Variants in KCNH8 observed in about 807,000 individuals in gnomAD.
KCNH8 encodes voltage-gated delayed rectifier potassium channel KCNH8.
A neutral mutation model predicts 103.6 loss-of-function variants in KCNH8; 70 were observed. That is an observed-to-expected ratio of 0.68 (90% CI 0.56 to 0.82). KCNH8 has a LOEUF of 0.82. Ranked by LOEUF, KCNH8 falls within the 40% of genes least tolerant of loss-of-function variation. The pLI, the probability that KCNH8 is intolerant of heterozygous loss-of-function variation, is 0.00. For missense variants in KCNH8, 1,217 were observed against 1,329.9 expected (o/e 0.92, Z 1.32); for synonymous variants, 498 against 489.4 (o/e 1.02, Z -0.23).
intron 1 of KCNH8, among the ~76,000 whole-genome samples, chr3:19,211,774 A>T (rs1431007990): frequency 1.3e-5 from 2 of 152,176 alleles, no homozygotes; most frequent in Non-Finnish European, 2.9e-5. Context: ...TCTTAATCTT[A>T]TGGAAAGTCA....
intron 3 of KCNH8, among the ~76,000 whole-genome samples, chr3:19,339,007 G>T (rs1438129097): frequency 6.6e-6 from 1 of 151,902 alleles, no homozygotes; most frequent in East Asian, 1.9e-4. Context: ...ATGTGTTTGT[G>T]GTTTATGTAG....
At chr3:19,505,586 C>G (rs1329173548) in intron 11 of KCNH8, among the ~76,000 whole-genome samples, 1 of 152,084 alleles carries the variant, frequency 6.6e-6, no homozygotes, top group African/African-American at 2.4e-5. Flanking sequence ...CTCTAGCTGC[C>G]TTTAACATTT....
chr3:19,237,957 G>A (rs1048316616), intron 1 of KCNH8, among the ~76,000 whole-genome samples: 2 of 152,182 alleles, frequency 1.3e-5, no homozygotes, highest in African/African-American at 4.8e-5. Context: ...AAATTTTATG[G>A]TAAGATATTT....
At chr3:19,208,489 A>G (rs1286898249) in intron 1 of KCNH8, among the ~76,000 whole-genome samples, 1 of 151,988 alleles carries the variant, frequency 6.6e-6, no homozygotes, top group Non-Finnish European at 1.5e-5. Flanking sequence ...TAAAAAATTG[A>G]AAAGAGTGGT....
intron 1 of KCNH8, among the ~76,000 whole-genome samples, chr3:19,206,000 A>G: frequency 6.6e-6 from 1 of 151,552 alleles, no homozygotes; most frequent in African/African-American, 2.4e-5. Flanking sequence ...AGTCCATTGT[A>G]TCATTCTTAT....
chr3:19,347,721 A>G lies in KCNH8; in HGVS notation c.571-4A>G, dbSNP rs1368345266. The G allele has an allele frequency of 6.2e-7, 1 of 1,612,290 alleles. No homozygotes were observed. Among genetic ancestry groups the G allele is most frequent in the African/African-American group, 1.3e-5 (1 of 74,792 alleles). On this transcript the variant is annotated splice_polypyrimidine_tract_variant and splice_region_variant and intron_variant, in intron 4 of 15. Coordinates refer to ENST00000328405, the MANE Select transcript of KCNH8 (RefSeq NM_144633.3). ...CTTTCTCTCCTTTTTGTCTTCATCC[A>G]CAGAATGTTTTTGTAGATAAACCAG... is the stretch of plus-strand genomic sequence containing the variant.
At chr3:19,503,669 A>C (rs542918618) in intron 11 of KCNH8, among the ~76,000 whole-genome samples, 1 of 151,872 alleles carries the variant, frequency 6.6e-6, no homozygotes, top group Non-Finnish European at 1.5e-5. Flanking sequence ...TCAGTAAACT[A>C]TCTCAAGAAC....
At chr3:19,278,992 T>A (rs1161121964) in intron 2 of KCNH8, among the ~76,000 whole-genome samples, 1 of 152,128 alleles carries the variant, frequency 6.6e-6, no homozygotes, top group Non-Finnish European at 1.5e-5. Flanking sequence ...TAGAAGATTT[T>A]CAGGAAAATT....
At chr3:19,240,623 A>C (rs183386102) in intron 1 of KCNH8, among the ~76,000 whole-genome samples, 4 of 152,018 alleles carry the variant, frequency 2.6e-5, no homozygotes, top group African/African-American at 7.2e-5. Flanking sequence ...AAAAAAAAAA[A>C]AAAACAAAAA....
At chr3:19,259,992 A>T (rs1235259554) in intron 2 of KCNH8, among the ~76,000 whole-genome samples, 1 of 151,658 alleles carries the variant, frequency 6.6e-6, no homozygotes, top group African/African-American at 2.4e-5. Context: ...CTTCTTTAGC[A>T]TTGGGATGGG....
At chr3:19,155,378 T>C (rs1253989746) in intron 1 of KCNH8, among the ~76,000 whole-genome samples, 1 of 152,164 alleles carries the variant, frequency 6.6e-6, no homozygotes, top group African/African-American at 2.4e-5. Flanking sequence ...CTTTTTCTTA[T>C]CTCTACAATT....
rs776978726 is a variant in KCNH8, at chr3:19,534,211, C to A, written c.*112C>A. On this transcript the variant is annotated 3_prime_UTR_variant, in exon 16 of 16. Coordinates refer to ENST00000328405, the MANE Select transcript of KCNH8 (RefSeq NM_144633.3). Reference sequence around the variant, plus strand: ...AGACTGAGCAAAGCTGGGAATCCTGCAGAAAAGAGTGTGAGGAGCCAGGGA... The same window carrying A: ...AGACTGAGCAAAGCTGGGAATCCTGAAGAAAAGAGTGTGAGGAGCCAGGGA... 2.7e-6 allele frequency: 2 copies of A among 754,648 alleles called. No individual in the cohort carries two copies. Among genetic ancestry groups the A allele is most frequent in the Non-Finnish European group, 4.3e-6 (2 of 466,388 alleles). 46.7% of individuals were successfully genotyped at this position (754,648 alleles called of 1,614,324 possible).
intron 1 of KCNH8, among the ~76,000 whole-genome samples, chr3:19,196,255 T>C (rs1228013718): frequency 2.0e-5 from 3 of 151,976 alleles, no homozygotes; most frequent in African/African-American, 7.2e-5. Context: ...ATAGTTCTAC[T>C]CTTTTTCTGA....
chr3:19,413,420 A>G (rs1438520518), intron 7 of KCNH8, among the ~76,000 whole-genome samples: 1 of 151,986 alleles, frequency 6.6e-6, no homozygotes, highest in African/African-American at 2.4e-5. Context: ...TTGAAAAACT[A>G]ACTGTTGGGT....
intron 11 of KCNH8, among the ~76,000 whole-genome samples, chr3:19,474,782 C>T (rs2067937037): frequency 6.6e-6 from 1 of 152,140 alleles, no homozygotes; most frequent in African/African-American, 2.4e-5. Context: ...CGTGTGACTG[C>T]ATTTTGCCAG....
intron 14 of KCNH8, 70 bp downstream of exon 14, chr3:19,515,498 A>AT (rs56353870): frequency 3.7e-4 from 167 of 449,844 alleles, no homozygotes; most frequent in Middle Eastern, 1.8e-3. Flanking sequence ...TGTTATGGGC[A>AT]TTTTTTTTTT....
intron 7 of KCNH8, among the ~76,000 whole-genome samples, chr3:19,396,993 A>C (rs1274434053): frequency 5.9e-5 from 9 of 151,944 alleles, no homozygotes; most frequent in Admixed American, 5.9e-4. Flanking sequence ...CAGATGGGGA[A>C]ATTTAGCTTA....
At chr3:19,193,579 A>G (rs1447844053) in intron 1 of KCNH8, among the ~76,000 whole-genome samples, 1 of 151,732 alleles carries the variant, frequency 6.6e-6, no homozygotes, top group Non-Finnish European at 1.5e-5. Context: ...AAAACATTCT[A>G]TAAAATTGTC....
chr3:19,250,340 TATA>T (rs1248949912), intron 1 of KCNH8, among the ~76,000 whole-genome samples: 1 of 152,140 alleles, frequency 6.6e-6, no homozygotes, highest in Non-Finnish European at 1.5e-5. Flanking sequence ...GTAATATACT[TATA>T]ATAATAAAAG....
Sources: allele counts gnomAD v4.1 joint callset (sites outside exome capture counted in the v4.1 genomes callset), GRCh38; gene constraint gnomAD v4.1.1; transcripts MANE v1.5; gene names NCBI Gene and HGNC (gene_info 2026-07-23, HGNC 2026-07-21).